NAALADL2: variants seen among roughly 807,000 people sequenced by gnomAD.
NAALADL2 encodes inactive N-acetylated-alpha-linked acidic dipeptidase-like protein 2.
A neutral mutation model predicts 87.2 loss-of-function variants in NAALADL2; 76 were observed. The ratio of observed to expected loss-of-function variants is 0.87; its 90% CI spans 0.72 to 1.05. NAALADL2 has a LOEUF of 1.05. Ranked by LOEUF, NAALADL2 falls within the 50% of genes least tolerant of loss-of-function variation. The pLI is 0.00. For synonymous variants in NAALADL2, 354 were observed against 331.0 expected (o/e 1.07, Z -0.75); for missense variants, 1,089 against 945.8 (o/e 1.15, Z -1.99).
chr3:174,479,138 G>A (rs766184507), intron 1 of NAALADL2, among the ~76,000 whole-genome samples: 9 of 152,086 alleles, frequency 5.9e-5, no homozygotes, highest in Admixed American at 6.6e-5. Flanking sequence ...GATACATTTC[G>A]TCATCTTATA....
intron 1 of NAALADL2, among the ~76,000 whole-genome samples, chr3:174,883,618 CAAA>C (rs1167514710): frequency 1.3e-5 from 2 of 152,070 alleles, no homozygotes; most frequent in African/African-American, 2.4e-5. Flanking sequence ...TGTTTTTTAA[CAAA>C]AGAAGGAGTG....
chr3:175,411,268 G>A (rs1262495812), intron 5 of NAALADL2, among the ~76,000 whole-genome samples: 3 of 152,306 alleles, frequency 2.0e-5, no homozygotes, highest in Middle Eastern at 6.8e-3. Flanking sequence ...ATTGCATTAA[G>A]AGGAACTGCA....
At chr3:175,392,227 A>G (rs1247238175) in intron 5 of NAALADL2, among the ~76,000 whole-genome samples, 2 of 152,240 alleles carry the variant, frequency 1.3e-5, no homozygotes, top group Admixed American at 1.3e-4. Flanking sequence ...TTACATATTT[A>G]GCACTTAAGT....
intron 2 of NAALADL2, among the ~76,000 whole-genome samples, chr3:175,142,847 G>A (rs1730201159): frequency 6.6e-6 from 1 of 151,928 alleles, no homozygotes; most frequent in Non-Finnish European, 1.5e-5. Flanking sequence ...AGAGGGATAT[G>A]AATACCTGTC....
At chr3:174,544,471 A>C (rs1296001940) in intron 1 of NAALADL2, among the ~76,000 whole-genome samples, 1 of 151,858 alleles carries the variant, frequency 6.6e-6, no homozygotes, top group Non-Finnish European at 1.5e-5. Flanking sequence ...GGTTTTAGTA[A>C]ATCTTTCACT....
chr3:175,463,566 ATAT>A (rs1010228867), intron 7 of NAALADL2, 73 bp downstream of exon 7: 3 of 791,142 alleles, frequency 3.8e-6, no homozygotes, highest in Non-Finnish European at 5.9e-6. Flanking sequence ...TAATAATTTA[ATAT>A]TATACTTAAA....
At chr3:174,889,124 A>T (rs999283052) in intron 1 of NAALADL2, among the ~76,000 whole-genome samples, 3 of 152,170 alleles carry the variant, frequency 2.0e-5, no homozygotes, top group Non-Finnish European at 4.4e-5. Context: ...ATTTCAAAAT[A>T]TATTTTCCCT....
upstream of NAALADL2, among the ~76,000 whole-genome samples, chr3:174,855,743 G>A (rs541697697): frequency 6.7e-6 from 1 of 149,818 alleles, no homozygotes; most frequent in South Asian, 2.1e-4. Context: ...CTTTTAAAGT[G>A]TCTTTGGCAT....
rs1230066793 is a variant in NAALADL2, at chr3:175,809,052, TTATTAA to T, written c.*5856_*5861del. 1 of 151,962 alleles carries T rather than the reference TTATTAA, an allele frequency of 6.6e-6. No individual in the cohort carries two copies. Among genetic ancestry groups the T allele is most frequent in the Non-Finnish European group, 1.5e-5 (1 of 67,962 alleles). The allele number at this position is 151,962 out of a possible 1,614,324, so 9.4% of individuals were successfully genotyped here. ...TGCTTTCAGTGTATGTGCTAGTGTT[TTATTAA>T]TATTAAAAATTTTTGTTTACTTATA... is the stretch of plus-strand genomic sequence containing the variant. On this transcript the variant is annotated 3_prime_UTR_variant, in exon 14 of 14. Transcript: ENST00000454872.
intron 13 of NAALADL2, among the ~76,000 whole-genome samples, chr3:175,757,625 A>T (rs1377067981): frequency 6.6e-6 from 1 of 152,130 alleles, no homozygotes; most frequent in African/African-American, 2.4e-5. Flanking sequence ...TGGAAAATAT[A>T]CATTATTATA....
intron 2 of NAALADL2, among the ~76,000 whole-genome samples, chr3:174,628,228 A>G (rs1157082593): frequency 1.3e-5 from 2 of 152,142 alleles, no homozygotes; most frequent in Non-Finnish European, 2.9e-5. Flanking sequence ...TTGTAATCCC[A>G]GCACTTTGGG....
At chr3:175,441,619 A>G (rs927788317) in intron 5 of NAALADL2, among the ~76,000 whole-genome samples, 2 of 152,044 alleles carry the variant, frequency 1.3e-5, no homozygotes, top group African/African-American at 4.8e-5. Context: ...AGGACTACAC[A>G]TTGAATAGGA....
chr3:175,601,331 G>A (rs1722955991), intron 10 of NAALADL2, among the ~76,000 whole-genome samples: 2 of 152,030 alleles, frequency 1.3e-5, no homozygotes, highest in East Asian at 1.9e-4. Context: ...TGTTATTTCT[G>A]TACTTGACAT....
At chr3:175,466,625 C>T (rs1172199642) in intron 7 of NAALADL2, among the ~76,000 whole-genome samples, 8 of 152,096 alleles carry the variant, frequency 5.3e-5, no homozygotes, top group Non-Finnish European at 1.0e-4. Context: ...TTAATATTTA[C>T]TGAGCATGCA....
intron 2 of NAALADL2, among the ~76,000 whole-genome samples, chr3:175,179,368 T>A (rs945086841): frequency 2.0e-5 from 3 of 151,932 alleles, no homozygotes; most frequent in Non-Finnish European, 2.9e-5. Flanking sequence ...TGACCTTTGT[T>A]AGAGACAGGA....
intron 1 of NAALADL2, among the ~76,000 whole-genome samples, chr3:174,491,897 A>G (rs1396311813): frequency 2.0e-5 from 3 of 152,190 alleles, no homozygotes; most frequent in Non-Finnish European, 2.9e-5. Context: ...TTCTCTATCA[A>G]TAAAGATGAT....
At chr3:175,794,893 C>G (rs2108312039) in intron 13 of NAALADL2, among the ~76,000 whole-genome samples, 2 of 152,318 alleles carry the variant, frequency 1.3e-5, no homozygotes, top group South Asian at 4.1e-4. Flanking sequence ...TCTCACAGTT[C>G]TCAGGACTGG....
chr3:175,370,400 T>C (rs149508636), intron 5 of NAALADL2, among the ~76,000 whole-genome samples: 233 of 152,166 alleles, frequency 1.5e-3, no homozygotes, highest in African/African-American at 5.2e-3. Context: ...TAAAACCCCA[T>C]ATAAAATGGA....
At chr3:174,588,134 C>T (rs1473635184) in intron 2 of NAALADL2, among the ~76,000 whole-genome samples, 1 of 151,960 alleles carries the variant, frequency 6.6e-6, no homozygotes, top group Non-Finnish European at 1.5e-5. Flanking sequence ...TCTTCAAACA[C>T]TCATACCCTT....
Sources: allele counts gnomAD v4.1 joint callset (sites outside exome capture counted in the v4.1 genomes callset), GRCh38; gene constraint gnomAD v4.1.1; transcripts MANE v1.5; gene names NCBI Gene and HGNC (gene_info 2026-07-23, HGNC 2026-07-21).